MARCHF1: variants seen among roughly 807,000 people sequenced by gnomAD.
MARCHF1 encodes membrane associated ring-CH-type finger 1.
A neutral mutation model predicts 54.2 loss-of-function variants in MARCHF1; 40 were observed. That is an observed-to-expected ratio of 0.74 (90% confidence interval 0.57 to 0.96). MARCHF1 has a LOEUF of 0.96. MARCHF1 is among the 40% of genes least tolerant of loss of function. The probability of loss-of-function intolerance (pLI) is 0.00; values close to 1 mark genes in which losing one functional copy is unlikely to be tolerated. For missense variants in MARCHF1, 586 were observed against 656.5 expected, an observed-to-expected ratio of 0.89 and a Z score of 1.17; for synonymous variants, 236 against 236.3, an observed-to-expected ratio of 1.00 and a Z score of 0.01.
At chr4:164,277,978 T>C (rs1371415188) in intron 1 of MARCHF1, among the ~76,000 whole-genome samples, 3 of 152,160 alleles carry the variant, frequency 2.0e-5, no homozygotes, top group Non-Finnish European at 4.4e-5. Context: ...AGCACAGCTA[T>C]GAAAAGGAAG....
intron 1 of MARCHF1, among the ~76,000 whole-genome samples, chr4:164,253,577 G>A (rs139883154): frequency 6.6e-6 from 1 of 152,094 alleles, no homozygotes; most frequent in Admixed American, 6.6e-5. Context: ...GTTTGTTTGG[G>A]GGAAAAATAT....
At chr4:164,095,302 G>A (rs1015890730) in intron 2 of MARCHF1, among the ~76,000 whole-genome samples, 4 of 152,032 alleles carry the variant, frequency 2.6e-5, no homozygotes, top group African/African-American at 7.2e-5. Context: ...GGTAAAATAA[G>A]CATAGTAATA....
At chr4:164,183,780 C>T (rs1730894693) in intron 1 of MARCHF1, among the ~76,000 whole-genome samples, 1 of 152,042 alleles carries the variant, frequency 6.6e-6, no homozygotes, top group African/African-American at 2.4e-5. Context: ...AAATAAAGTG[C>T]AATGGAATTC....
At chr4:163,579,298 C>T (rs1266480662) in intron 8 of MARCHF1, among the ~76,000 whole-genome samples, 1 of 152,104 alleles carries the variant, frequency 6.6e-6, no homozygotes, top group Admixed American at 6.5e-5. Context: ...GCAAGAATTG[C>T]ACTTCTAAGA....
intron 4 of MARCHF1, among the ~76,000 whole-genome samples, chr4:163,791,092 A>G (rs1042653938): frequency 6.6e-6 from 1 of 152,140 alleles, no homozygotes. Flanking sequence ...GCACCTTAAG[A>G]GTTCCAAGGG....
At chr4:163,980,040 A>G (rs1752730285) in intron 3 of MARCHF1, among the ~76,000 whole-genome samples, 1 of 151,322 alleles carries the variant, frequency 6.6e-6, no homozygotes, top group African/African-American at 2.4e-5. Context: ...TGGAACCAAA[A>G]AAGAGCCCGC....
chr4:164,115,465 G>A (rs560108435), intron 1 of MARCHF1, among the ~76,000 whole-genome samples: 5 of 152,144 alleles, frequency 3.3e-5, no homozygotes, highest in Admixed American at 6.6e-5. Flanking sequence ...TTATGAGAGC[G>A]ATAATGGAAA....
intron 1 of MARCHF1, among the ~76,000 whole-genome samples, chr4:164,230,302 G>A (rs1732380252): frequency 1.3e-5 from 2 of 151,798 alleles, no homozygotes; most frequent in African/African-American, 2.4e-5. Context: ...GGCTGACACA[G>A]GAGAATCACT....
intron 8 of MARCHF1, among the ~76,000 whole-genome samples, chr4:163,569,273 G>A (rs1163115971): frequency 6.6e-6 from 1 of 151,968 alleles, no homozygotes; most frequent in Non-Finnish European, 1.5e-5. Flanking sequence ...CAATCAGCTG[G>A]GTCACGATAG....
At chr4:164,212,946 G>T (rs1230600140) in intron 1 of MARCHF1, among the ~76,000 whole-genome samples, 1 of 152,104 alleles carries the variant, frequency 6.6e-6, no homozygotes, top group Non-Finnish European at 1.5e-5. Context: ...GGCATGAAAG[G>T]TTTGACTGTA....
At chr4:164,133,397 T>C (rs894000531) in intron 1 of MARCHF1, among the ~76,000 whole-genome samples, 7 of 152,206 alleles carry the variant, frequency 4.6e-5, no homozygotes, top group Non-Finnish European at 8.8e-5. Context: ...TTTTATCTAC[T>C]GTCATTGTGA....
chr4:164,135,756 A>T (rs1756387710), intron 1 of MARCHF1, among the ~76,000 whole-genome samples: 1 of 152,244 alleles, frequency 6.6e-6, no homozygotes, highest in Non-Finnish European at 1.5e-5. Context: ...ACTGCATTTG[A>T]TACTGATGGA....
chr4:164,225,426 A>G (rs1485635001), intron 1 of MARCHF1, among the ~76,000 whole-genome samples: 1 of 152,078 alleles, frequency 6.6e-6, no homozygotes, highest in Non-Finnish European at 1.5e-5. Context: ...TGTCTTCTAA[A>G]GGATTATTTT....
chr4:163,647,445 C>T (rs959209717), intron 5 of MARCHF1, among the ~76,000 whole-genome samples: 1 of 151,968 alleles, frequency 6.6e-6, no homozygotes, highest in Non-Finnish European at 1.5e-5. Flanking sequence ...TTCTATCTAG[C>T]AGCATGAGAA....
At chr4:164,220,619 G>A (rs1269451003) in intron 1 of MARCHF1, among the ~76,000 whole-genome samples, 6 of 142,678 alleles carry the variant, frequency 4.2e-5, no homozygotes, top group African/African-American at 7.7e-5. Context: ...TGCTATATAT[G>A]CATATATGTA....
chr4:164,173,844 AT>A (rs1292297706), intron 1 of MARCHF1, among the ~76,000 whole-genome samples: 2 of 152,178 alleles, frequency 1.3e-5, no homozygotes, highest in Non-Finnish European at 2.9e-5. Flanking sequence ...TGCTTTATAG[AT>A]TACTCAGCCT....
At chr4:163,767,642 C>T (rs1359175038) in intron 4 of MARCHF1, among the ~76,000 whole-genome samples, 2 of 152,036 alleles carry the variant, frequency 1.3e-5, no homozygotes, top group Non-Finnish European at 2.9e-5. Context: ...CCAATATTGC[C>T]ATTTTTGACC....
chr4:164,289,338 G>A (rs1579692184), intron 1 of MARCHF1, among the ~76,000 whole-genome samples: 1 of 152,110 alleles, frequency 6.6e-6, no homozygotes, highest in Middle Eastern at 3.4e-3. Context: ...TTCTAGTGTA[G>A]TTTAGTATTC....
intron 1 of MARCHF1, among the ~76,000 whole-genome samples, chr4:164,241,523 G>T (rs907031601): frequency 6.6e-6 from 1 of 152,044 alleles, no homozygotes; most frequent in African/African-American, 2.4e-5. Context: ...TTGTCAAGAG[G>T]CCTAAAATCA....
Sources: allele counts gnomAD v4.1 joint callset (sites outside exome capture counted in the v4.1 genomes callset), GRCh38; gene constraint gnomAD v4.1.1; transcripts MANE v1.5; gene names NCBI Gene and HGNC (gene_info 2026-07-23, HGNC 2026-07-21).